The following ATP6V1E1 variants were observed in gnomAD, a reference collection of about 807,000 sequenced individuals.
The protein encoded by ATP6V1E1 is V-type proton ATPase subunit E 1.
Under a neutral mutation model 35.2 loss-of-function variants are expected in ATP6V1E1, and 21 were observed. That is an observed-to-expected ratio of 0.60 (90% confidence interval 0.42 to 0.86). ATP6V1E1 has a LOEUF of 0.86. Ranked by LOEUF, ATP6V1E1 falls within the 40% of genes least tolerant of loss-of-function variation. ATP6V1E1 has a pLI of 0.00. For synonymous variants in ATP6V1E1, 83 were observed against 87.8 expected (o/e 0.95, Z 0.30); for missense variants, 183 against 272.6 (o/e 0.67, Z 2.32).
intron 3 of ATP6V1E1, 48 bp from the exon 4 acceptor site, chr22:17,612,926 A>G (rs1245744858): frequency 1.3e-6 from 2 of 1,539,854 alleles, no homozygotes; most frequent in Non-Finnish European, 1.8e-6. Flanking sequence ...TTAAAACTGT[A>G]GAGAAAGAAT....
intron 1 of ATP6V1E1, among the ~76,000 whole-genome samples, chr22:17,622,042 T>G (rs944848087): frequency 2.1e-4 from 32 of 152,154 alleles, no homozygotes; most frequent in African/African-American, 6.5e-4. Flanking sequence ...TTGTGGCAGA[T>G]ATAAAATATA....
chr22:17,628,353 G>A (rs562562519), intron 1 of ATP6V1E1, among the ~76,000 whole-genome samples: 33 of 152,362 alleles, frequency 2.2e-4, no homozygotes, highest in Non-Finnish European at 4.6e-4. Context: ...GAGGTGGGAG[G>A]CAAAGAGCCA....
intron 1 of ATP6V1E1, among the ~76,000 whole-genome samples, chr22:17,625,050 G>A (rs1020323854): frequency 2.0e-5 from 3 of 152,054 alleles, no homozygotes; most frequent in African/African-American, 7.2e-5. Flanking sequence ...GCAGTGAACA[G>A]AAGAAGCAGT....
intron 8 of ATP6V1E1, among the ~76,000 whole-genome samples, chr22:17,593,590 G>A (rs1035362204): frequency 3.3e-5 from 5 of 152,184 alleles, no homozygotes; most frequent in African/African-American, 4.8e-5. Context: ...TTAAATATCC[G>A]TAAGTGAGTA....
intron 1 of ATP6V1E1, among the ~76,000 whole-genome samples, chr22:17,623,051 G>A (rs866998388): frequency 6.6e-6 from 1 of 152,146 alleles, no homozygotes. Context: ...AAATCTTGGA[G>A]CCACCCTACT....
At chr22:17,626,570 T>C (rs1313031535) in intron 1 of ATP6V1E1, among the ~76,000 whole-genome samples, 1 of 150,426 alleles carries the variant, frequency 6.6e-6, no homozygotes, top group Non-Finnish European at 1.5e-5. Context: ...ACAGTCTCGC[T>C]CTGTTGCCCA....
chr22:17,613,146 C>G lies in ATP6V1E1; in HGVS notation c.209+65G>C, dbSNP rs2057823640. On this transcript the variant is annotated intron_variant, in intron 3 of 8. Coordinates refer to ENST00000253413, the MANE Select transcript of ATP6V1E1 (RefSeq NM_001696.4). ...GACCTGAATTTATATATGCCTGACTCCAAAGCGCCTGCTCATGACTTCAGA... is the reference window on the plus strand; with the variant it reads ...GACCTGAATTTATATATGCCTGACTGCAAAGCGCCTGCTCATGACTTCAGA... 2.1e-6 allele frequency: 3 copies of G among 1,414,184 alleles called. No homozygotes were observed. In the African/African-American group the frequency reaches 4.3e-5, roughly 20 times the overall value. The allele number at this position is 1,414,184 out of a possible 1,614,324, so 87.6% of individuals were successfully genotyped here. A position where few individuals can be genotyped will look rare whatever the true frequency, so the allele number is the denominator to read the frequency against.
chr22:17,625,027 A>G (rs1201939707), intron 1 of ATP6V1E1, among the ~76,000 whole-genome samples: 3 of 152,182 alleles, frequency 2.0e-5, no homozygotes, highest in Non-Finnish European at 4.4e-5. Context: ...CTATATTGAA[A>G]GAAGCAGAAG....
intron 1 of ATP6V1E1, among the ~76,000 whole-genome samples, chr22:17,620,202 C>G (rs2057868806): frequency 6.7e-6 from 1 of 149,614 alleles, no homozygotes; most frequent in East Asian, 2.0e-4. Flanking sequence ...GGCTGGAGTG[C>G]AGTGGCATGA....
At chr22:17,627,221 G>A (rs575141376) in intron 1 of ATP6V1E1, among the ~76,000 whole-genome samples, 19 of 151,634 alleles carry the variant, frequency 1.3e-4, no homozygotes, top group African/African-American at 4.6e-4. Context: ...TCGGCCTCCC[G>A]GGTTCACGCC....
Position 17,628,737 on chromosome 22 carries a change from TCCTTTA to T in ATP6V1E1, c.-108_-103del, listed in dbSNP as rs1180240588. ...GGGAACCCCTGCGCAGATCTCGGGT[TCCTTTA>T]CTTTATAACCGCGGGTTCCGGTTCC... On this transcript the variant is annotated 5_prime_UTR_variant, in exon 1 of 9. Coordinates refer to ENST00000253413, the MANE Select transcript of ATP6V1E1 (RefSeq NM_001696.4). The T allele has an allele frequency of 7.2e-6, 11 of 1,520,494 alleles. No individual in the cohort carries two copies. The highest frequency in any genetic ancestry group is 1.0e-5 in the Non-Finnish European group (11 of 1,097,158). The allele number at this position is 1,520,494 out of a possible 1,614,324, so 94.2% of individuals were successfully genotyped here. A position where few individuals can be genotyped will look rare whatever the true frequency, so the allele number is the denominator to read the frequency against.
rs898076791 is a variant in ATP6V1E1, at chr22:17,605,205, C to CAAA, written c.277-4027_277-4025dup. Among the ~76,000 whole-genome samples the CAAA allele has an allele frequency of 2.7e-3, 147 of 54,816 alleles. 2 individuals carry two copies. Among genetic ancestry groups the CAAA allele is most frequent in the African/African-American group, 7.7e-3 (94 of 12,188 alleles). 36.0% of individuals were successfully genotyped at this position (54,816 alleles called of 152,430 possible). ...GGGGGACAAGAGTGAGACTTCATCT[C>CAAA]AAAAAAAAAAAAAAAAAAGAAAAGA... is the stretch of plus-strand genomic sequence containing the variant. On this transcript the variant is annotated intron_variant, in intron 4 of 8. Transcript: ENST00000253413.
intron 4 of ATP6V1E1, among the ~76,000 whole-genome samples, chr22:17,611,934 G>T (rs576975368): frequency 1.3e-5 from 2 of 152,036 alleles, no homozygotes; most frequent in Non-Finnish European, 2.9e-5. Context: ...TTTCATATAG[G>T]ACTTACTCCT....
At chr22:17,612,125 C>G (rs1357646398) in intron 4 of ATP6V1E1, among the ~76,000 whole-genome samples, 16 of 152,132 alleles carry the variant, frequency 1.1e-4, no homozygotes, top group Non-Finnish European at 2.2e-4. Context: ...GCTTGAATAA[C>G]CGTATCTGCA....
Position 17,619,564 on chromosome 22 carries a change from T to C in ATP6V1E1, c.34-38A>G, listed in dbSNP as rs760644643. 5.5e-6 allele frequency: 8 copies of C among 1,465,158 alleles called. No homozygotes were observed. In the Admixed American group the frequency reaches 1.7e-4, roughly 31 times the overall value. 90.8% of individuals were successfully genotyped at this position (1,465,158 alleles called of 1,614,324 possible). On this transcript the variant is annotated intron_variant, in intron 1 of 8. Transcript: ENST00000253413. ...AAAGTTTTATTTTTTAGTTCAAAAATATGGAAATATCTTTTCTGATTCATT... is the reference window on the plus strand; with the variant it reads ...AAAGTTTTATTTTTTAGTTCAAAAACATGGAAATATCTTTTCTGATTCATT...
At chr22:17,611,053 G>C (rs1203507492) in intron 4 of ATP6V1E1, among the ~76,000 whole-genome samples, 1 of 152,156 alleles carries the variant, frequency 6.6e-6, no homozygotes, top group Non-Finnish European at 1.5e-5. Context: ...TGGCAGAGTT[G>C]ACATTTAAAC....
At position 17,613,340 on chromosome 22, in the gene ATP6V1E1, T is replaced by C. The variant is rs1361011841; in HGVS notation, c.100-20A>G. ...TTCTGCCTAGAGGGAAATTAGTCAA[T>C]ATTAATTCATTACATCAAGTTTTGA... is the stretch of plus-strand genomic sequence containing the variant. On this transcript the variant is annotated intron_variant, in intron 2 of 8. Transcript: ENST00000253413. 6.3e-7 allele frequency: 1 copy of C among 1,593,018 alleles called. No individual in the cohort carries two copies. Among genetic ancestry groups the C allele is most frequent in the Admixed American group, 1.7e-5 (1 of 59,876 alleles).
At chr22:17,616,457 C>A (rs2146311868) in intron 2 of ATP6V1E1, among the ~76,000 whole-genome samples, 1 of 151,876 alleles carries the variant, frequency 6.6e-6, no homozygotes, top group East Asian at 1.9e-4. Context: ...GGCAGGTGGA[C>A]TGCCTGAGTT....
intron 1 of ATP6V1E1, among the ~76,000 whole-genome samples, chr22:17,623,624 T>C (rs1199163479): frequency 6.7e-6 from 1 of 148,912 alleles, no homozygotes; most frequent in Non-Finnish European, 1.5e-5. Context: ...CAAGCCAAGA[T>C]CACGCCTGGG....
Sources: allele counts gnomAD v4.1 joint callset (sites outside exome capture counted in the v4.1 genomes callset), GRCh38; gene constraint gnomAD v4.1.1; transcripts MANE v1.5; gene names NCBI Gene and HGNC (gene_info 2026-07-23, HGNC 2026-07-21).